The following KCNQ3 variants were observed in gnomAD, a reference collection of about 807,000 sequenced individuals.
KCNQ3 encodes potassium voltage-gated channel subfamily KQT member 3.
In KCNQ3, 30 loss-of-function variants were observed where a neutral mutation model predicts 92.5. That is an observed-to-expected ratio of 0.32 (90% CI 0.24 to 0.44). The LOEUF (loss-of-function observed/expected upper bound fraction) is 0.44, where lower values mean the gene tolerates loss of function less well. Ranked by LOEUF, KCNQ3 falls within the 20% of genes least tolerant of loss-of-function variation. KCNQ3 has a pLI of 1.00. For missense variants in KCNQ3, 913 were observed against 1,140.3 expected, an observed-to-expected ratio of 0.80 and a Z score of 2.87; for synonymous variants, 450 against 468.8, an observed-to-expected ratio of 0.96 and a Z score of 0.52.
At chr8:132,281,221 A>T (rs1448339404) in intron 1 of KCNQ3, among the ~76,000 whole-genome samples, 1 of 152,124 alleles carries the variant, frequency 6.6e-6, no homozygotes, top group East Asian at 1.9e-4. Context: ...GACTAATACC[A>T]TGTGCCCTTC....
chr8:132,145,584 T>G (rs1825426282), intron 9 of KCNQ3, among the ~76,000 whole-genome samples: 1 of 152,258 alleles, frequency 6.6e-6, no homozygotes, highest in Admixed American at 6.5e-5. Context: ...ACATTGGTGA[T>G]TAAAACCAAT....
intron 1 of KCNQ3, among the ~76,000 whole-genome samples, chr8:132,277,759 C>A (rs180804096): frequency 6.6e-6 from 1 of 152,150 alleles, no homozygotes; most frequent in Non-Finnish European, 1.5e-5. Context: ...GAAACCCCAC[C>A]CTGCCCTAGC....
chr8:132,162,737 A>T (rs1826028025), intron 9 of KCNQ3, among the ~76,000 whole-genome samples: 1 of 152,196 alleles, frequency 6.6e-6, no homozygotes, highest in African/African-American at 2.4e-5. Context: ...TCATGGAAAC[A>T]CTTGGGAGGA....
chr8:132,277,976 C>A (rs563051488), intron 1 of KCNQ3: 122 of 985,246 alleles, frequency 1.2e-4, no homozygotes, highest in Non-Finnish European at 1.4e-4. Flanking sequence ...CACCTTCACC[C>A]CCACAGGACA....
In KCNQ3 at chr8:132,129,532, C is replaced by A. The variant is rs145063831; in HGVS notation, c.2349G>T (p.Thr783=). ...GGGACAGAGGTGTGTCACTGTCTCG[C>A]GTGATGCTACGTCTCTGCCGGGGGG... is the stretch of plus-strand genomic sequence containing the variant. The part of the protein sequence containing the change: ...RISPRQRRSI[T]RDSDTPLSLM... Residue 783 remains threonine (T), a synonymous_variant, in exon 15 of 15, where the codon ACG becomes ACT. Transcript: ENST00000388996. This position sits in a 1 kb window ranked among gnomAD's most constrained non-coding sequence, Gnocchi z 5.9. 9.9e-6 allele frequency: 16 copies of A among 1,614,200 alleles called. No homozygotes were observed. The highest frequency in any genetic ancestry group is 4.5e-5 in the East Asian group (2 of 44,866).
intron 1 of KCNQ3, among the ~76,000 whole-genome samples, chr8:132,371,492 T>A (rs73345946): frequency 0.07 from 10,711 of 152,236 alleles, 425 homozygotes; most frequent in South Asian, 0.15. Flanking sequence ...ACCTGCGTCA[T>A]CAAGGATGAG....
At position 132,303,565 on chromosome 8, in the gene KCNQ3, G is replaced by GATATATATATAT. The variant is rs781058299; in HGVS notation, c.387-117396_387-117385dup. On this transcript the variant is annotated intron_variant, in intron 1 of 14. Transcript: ENST00000388996. ...ACTTGTGATCAGATAAAGAAAATGTGATATATATATATATGGTGTGTGTGT... is the reference window on the plus strand; with the variant it reads ...ACTTGTGATCAGATAAAGAAAATGTGATATATATATATATATATATATATATGGTGTGTGTGT... 2.7e-3 allele frequency among the ~76,000 whole-genome samples: 114 copies of GATATATATATAT among 42,572 alleles called. 29 individuals carry two copies. Among genetic ancestry groups the GATATATATATAT allele is most frequent in the Admixed American group, 9.8e-3 (27 of 2,742 alleles). The allele number at this position is 42,572 out of a possible 152,430, so 27.9% of individuals were successfully genotyped here.
intron 1 of KCNQ3, among the ~76,000 whole-genome samples, chr8:132,273,041 G>T (rs1053906902): frequency 1.1e-4 from 16 of 152,112 alleles, no homozygotes; most frequent in African/African-American, 3.9e-4. Flanking sequence ...AGCTGTAGGT[G>T]GATCTACCAT....
At chr8:132,465,584 A>C (rs571667513) in intron 1 of KCNQ3, among the ~76,000 whole-genome samples, 1 of 152,014 alleles carries the variant, frequency 6.6e-6, no homozygotes, top group East Asian at 1.9e-4. Flanking sequence ...AAAAAATAAT[A>C]ATAATAATAA....
At chr8:132,222,655 G>A (rs1310176184) in intron 1 of KCNQ3, among the ~76,000 whole-genome samples, 1 of 152,196 alleles carries the variant, frequency 6.6e-6, no homozygotes, top group African/African-American at 2.4e-5. Flanking sequence ...CATCAGGCTG[G>A]AAGAGAAAGC....
chr8:132,399,288 T>A (rs1409738509), intron 1 of KCNQ3, among the ~76,000 whole-genome samples: 1 of 152,152 alleles, frequency 6.6e-6, no homozygotes, highest in Non-Finnish European at 1.5e-5. Flanking sequence ...TTGGGGAGTA[T>A]TTTTTGCTTT....
chr8:132,217,708 C>T (rs1490606262), intron 1 of KCNQ3, among the ~76,000 whole-genome samples: 1 of 83,588 alleles, frequency 1.2e-5, no homozygotes, highest in Non-Finnish European at 2.2e-5. Flanking sequence ...GAGGCTCTGT[C>T]TCAAAAAAAA....
intron 1 of KCNQ3, among the ~76,000 whole-genome samples, chr8:132,400,808 A>G (rs1411136416): frequency 6.6e-6 from 1 of 152,208 alleles, no homozygotes; most frequent in Admixed American, 6.5e-5. Flanking sequence ...CCTGGGCACA[A>G]TGGCATTAAT....
intron 1 of KCNQ3, among the ~76,000 whole-genome samples, chr8:132,464,387 G>A (rs11777255): frequency 0.27 from 41,246 of 151,946 alleles, 5,853 homozygotes; most frequent in East Asian, 0.37. Flanking sequence ...CTGGCATTGT[G>A]TCCATTCATG....
intron 1 of KCNQ3, among the ~76,000 whole-genome samples, chr8:132,280,181 A>T (rs1310198343): frequency 1.3e-5 from 2 of 152,198 alleles, no homozygotes; most frequent in African/African-American, 4.8e-5. Flanking sequence ...AATAAAGAAG[A>T]TGTCCCAGGC....
chr8:132,227,700 C>T (rs1295058289), intron 1 of KCNQ3, among the ~76,000 whole-genome samples: 3 of 152,162 alleles, frequency 2.0e-5, no homozygotes, highest in African/African-American at 7.2e-5. Flanking sequence ...TCTCCCGGGG[C>T]TCCAAGGAAA....
intron 1 of KCNQ3, among the ~76,000 whole-genome samples, chr8:132,210,987 C>T (rs1813834461): frequency 6.6e-6 from 1 of 152,144 alleles, no homozygotes; most frequent in African/African-American, 2.4e-5. Flanking sequence ...TTTTGCATAC[C>T]TTCCCATAGC....
rs1288810205 is a variant in KCNQ3 at position 132,130,276 on chromosome 8, T to C, written c.1885-280A>G. On this transcript the variant is annotated intron_variant, in intron 14 of 14. Transcript: ENST00000388996. ...TTTGTATTATTAGTAGAGACGGGGT[T>C]TCACAATCTTGGCCAGGCTGGTCTT... Among the ~76,000 whole-genome samples, 5 of 152,028 alleles carry C rather than the reference T, an allele frequency of 3.3e-5. No homozygotes were observed. In the East Asian group the frequency reaches 9.6e-4, roughly 29 times the overall value.
chr8:132,342,249 G>T (rs1236837442), intron 1 of KCNQ3, among the ~76,000 whole-genome samples: 1 of 151,788 alleles, frequency 6.6e-6, no homozygotes, highest in Non-Finnish European at 1.5e-5. Context: ...CCTTTAAAAG[G>T]CACCATGTCT....
Sources: gnomAD v4.1 joint callset for allele counts (sites outside exome capture counted in the v4.1 genomes callset) on GRCh38, gnomAD v4.1.1 for gene constraint, Gnocchi (gnomAD v3.1) non-coding constraint, MANE v1.5 for transcripts, NCBI Gene and HGNC (gene_info 2026-07-23, HGNC 2026-07-21) for gene names.